The following PIAS4 variants were observed in gnomAD, a reference collection of about 807,000 sequenced individuals.
The protein encoded by PIAS4 is protein inhibitor of activated STAT 4, also known as E3 SUMO-protein ligase PIAS4.
PIAS4 carries 7 observed loss-of-function variants against 58.0 expected under a neutral mutation model. The observed-to-expected ratio is 0.12, with a 90% CI of 0.07 to 0.23. The LOEUF is 0.23. Among genes scored for constraint, PIAS4 ranks in the 10% least tolerant of loss-of-function variants. The probability of loss-of-function intolerance (pLI) is 1.00; values close to 1 mark genes in which losing one functional copy is unlikely to be tolerated. For synonymous variants in PIAS4, 364 were observed against 312.4 expected (o/e 1.17, Z -1.74); for missense variants, 550 against 709.5 (o/e 0.78, Z 2.55).
intron 3 of PIAS4, among the ~76,000 whole-genome samples, chr19:4,027,074 G>A (rs922123936): frequency 1.3e-5 from 2 of 151,522 alleles, no homozygotes; most frequent in African/African-American, 2.4e-5. Context: ...GGAGGGTCTC[G>A]ATCTCCTGAC....
At chr19:4,008,931 A>C (rs919704663) in intron 1 of PIAS4, among the ~76,000 whole-genome samples, 1 of 152,092 alleles carries the variant, frequency 6.6e-6, no homozygotes, top group Non-Finnish European at 1.5e-5. Context: ...CTGCTGCTCT[A>C]TTATACTTTG....
intron 2 of PIAS4, among the ~76,000 whole-genome samples, chr19:4,015,657 C>T (rs1308062804): frequency 6.6e-6 from 1 of 152,182 alleles, no homozygotes; most frequent in African/African-American, 2.4e-5. Context: ...TCCGCCCTGA[C>T]CCTGGGCTGT....
chr19:4,028,460 T>G (rs776744081), intron 4 of PIAS4, 50 bp from the exon 5 acceptor site: 1 of 1,357,634 alleles, frequency 7.4e-7, no homozygotes, highest in Non-Finnish European at 1.0e-6. Flanking sequence ...AGCAGCCTAG[T>G]CCCTCCTGTG....
At chr19:4,035,959 A>C (rs62647666) in intron 9 of PIAS4, among the ~76,000 whole-genome samples, 1 of 7,906 alleles carries the variant, frequency 1.3e-4, no homozygotes, top group Non-Finnish European at 2.3e-4. Context: ...CATAACACAC[A>C]CATACAGTCC....
chr19:4,023,910 A>C (rs2040136080), intron 2 of PIAS4, 126 bp from the exon 3 acceptor site: 2 of 708,986 alleles, frequency 2.8e-6, no homozygotes, highest in Non-Finnish European at 2.6e-6. Context: ...TCTGCCCCAC[A>C]TATCTGTCCA....
At position 4,033,723 on chromosome 19, in the gene PIAS4, G is replaced by C. The variant is rs1439019116; in HGVS notation, c.1142+143G>C. On this transcript the variant is annotated intron_variant, in intron 9 of 10. Coordinates refer to ENST00000262971, the MANE Select transcript of PIAS4 (RefSeq NM_015897.4). ...GGTCCTGGAGCTTTGGAAACCCCGGGCTGCGAAAAGAGCCGGTTTCTTTCT... is the reference window on the plus strand; with the variant it reads ...GGTCCTGGAGCTTTGGAAACCCCGGCCTGCGAAAAGAGCCGGTTTCTTTCT... The C allele has an allele frequency of 1.2e-5, 8 of 692,458 alleles. No individual in the cohort carries two copies. The Admixed American group carries it at 2.4e-4, about 20-fold the overall frequency. The allele number at this position is 692,458 out of a possible 1,614,324, so 42.9% of individuals were successfully genotyped here.
At chr19:4,018,736 G>C (rs2040077641) in intron 2 of PIAS4, 1 of 152,336 alleles carries the variant, frequency 6.6e-6, no homozygotes, top group Admixed American at 6.5e-5. Flanking sequence ...AGGAGGAGAA[G>C]GTTTGGAGAA....
intron 7 of PIAS4, among the ~76,000 whole-genome samples, chr19:4,030,523 G>A (rs1481114393): frequency 1.3e-5 from 2 of 151,962 alleles, no homozygotes; most frequent in Non-Finnish European, 2.9e-5. Flanking sequence ...GGAGGCTGAG[G>A]CAGGAGAATG....
intron 7 of PIAS4, among the ~76,000 whole-genome samples, 199 bp from the exon 8 acceptor site, chr19:4,032,901 G>T (rs942954578): frequency 5.3e-5 from 8 of 152,202 alleles, no homozygotes; most frequent in Non-Finnish European, 1.5e-5. Flanking sequence ...CTGTGCCCAG[G>T]TTGTGGTCAA....
intron 9 of PIAS4, among the ~76,000 whole-genome samples, chr19:4,034,419 G>A (rs1329212444): frequency 6.6e-6 from 1 of 152,218 alleles, no homozygotes; most frequent in African/African-American, 2.4e-5. Context: ...ACAGACCTGT[G>A]AGCGTCCTCA....
At position 4,037,349 on chromosome 19, in the gene PIAS4, G is replaced by C. The variant is rs769094366; in HGVS notation, c.1143-25G>C. 6.3e-7 allele frequency: 1 copy of C among 1,588,094 alleles called. No individual in the cohort carries two copies. The highest frequency in any genetic ancestry group is 1.3e-5 in the African/African-American group (1 of 74,488). ...GGGGGGTGGGGCACCTCCAGCCCCGGCGTCAGCTGTCCGCCTCGCCCCAGG... is the reference window on the plus strand; with the variant it reads ...GGGGGGTGGGGCACCTCCAGCCCCGCCGTCAGCTGTCCGCCTCGCCCCAGG... On this transcript the variant is annotated intron_variant, in intron 9 of 10. Transcript: ENST00000262971. The surrounding 1 kb of genome is among the most constrained non-coding windows in gnomAD (Gnocchi z 5.8).
Position 4,037,758 on chromosome 19 carries a change from C to T in PIAS4, c.1416C>T (p.Ser472=). ...GADVVDLTLD[S]SSSSEDEEEE... ...ATGTGGTGGACCTCACGCTGGACAG[C>T]TCATCGTCCTCGGAGGATGAGGAGG... is the stretch of plus-strand genomic sequence containing the variant. The change falls in exon 11 of 11, where the codon AGC becomes AGT. Residue 472 remains serine (S), a synonymous_variant. Transcript: ENST00000262971. This position sits in a 1 kb window ranked among gnomAD's most constrained non-coding sequence, Gnocchi z 5.8. The T allele has an allele frequency of 6.2e-7, 1 of 1,608,644 alleles. No homozygotes were observed. Among genetic ancestry groups the T allele is most frequent in the South Asian group, 1.1e-5 (1 of 90,526 alleles).
chr19:4,028,909 G>A (rs2040195900), intron 6 of PIAS4, 22 bp from the exon 7 acceptor site: 3 of 1,608,828 alleles, frequency 1.9e-6, no homozygotes, highest in Admixed American at 3.3e-5. Context: ...TGCCAGCCCT[G>A]ACCCCTTCCT....
chr19:4,024,605 G>A (rs2040143946), intron 3 of PIAS4, among the ~76,000 whole-genome samples: 1 of 152,216 alleles, frequency 6.6e-6, no homozygotes, highest in Non-Finnish European at 1.5e-5. Flanking sequence ...CCCTGCTGAG[G>A]TCCCAGAAGG....
chr19:4,021,449 T>C (rs924602958), intron 2 of PIAS4, among the ~76,000 whole-genome samples: 1 of 151,712 alleles, frequency 6.6e-6, no homozygotes, highest in African/African-American at 2.4e-5. Flanking sequence ...CTGGCCTGGG[T>C]GTGTAGAGAG....
chr19:4,037,272 G>A lies in PIAS4; in HGVS notation c.1143-102G>A. The A allele has an allele frequency of 1.4e-6, 2 of 1,419,414 alleles. No homozygotes were observed. The highest frequency in any genetic ancestry group is 1.9e-6 in the Non-Finnish European group (2 of 1,059,130). 87.9% of individuals were successfully genotyped at this position (1,419,414 alleles called of 1,614,324 possible). A position where few individuals can be genotyped will look rare whatever the true frequency, so the allele number is the denominator to read the frequency against. ...GGTGGTGAGGCTGCTCTTGCAGAGAGAAGTGGGGAGTGCCTGGCTGCATCC... is the reference window on the plus strand; with the variant it reads ...GGTGGTGAGGCTGCTCTTGCAGAGAAAAGTGGGGAGTGCCTGGCTGCATCC... On this transcript the variant is annotated intron_variant, in intron 9 of 10. Transcript: ENST00000262971. The surrounding 1 kb of genome is among the most constrained non-coding windows in gnomAD (Gnocchi z 5.8).
chr19:4,036,812 T>TGCACAC (rs1198110519), intron 9 of PIAS4, among the ~76,000 whole-genome samples: 1 of 142,714 alleles, frequency 7.0e-6, no homozygotes, highest in African/African-American at 2.6e-5. Context: ...CACCGTCACA[T>TGCACAC]ATCTGTACAG....
At chr19:4,030,999 C>G (rs1400610445) in intron 7 of PIAS4, among the ~76,000 whole-genome samples, 1 of 152,214 alleles carries the variant, frequency 6.6e-6, no homozygotes, top group Non-Finnish European at 1.5e-5. Context: ...GCTCGCACCC[C>G]CTTCCCGAAT....
intron 9 of PIAS4, 120 bp downstream of exon 9, chr19:4,033,700 T>C (rs1363102036): frequency 2.4e-6 from 2 of 836,820 alleles, no homozygotes; most frequent in African/African-American, 1.7e-5. Flanking sequence ...GGGCACATGG[T>C]CCTGGAGCTT....
Sources: allele counts gnomAD v4.1 joint callset (sites outside exome capture counted in the v4.1 genomes callset), GRCh38; gene constraint gnomAD v4.1.1; non-coding constraint Gnocchi (gnomAD v3.1); transcripts MANE v1.5; gene names NCBI Gene and HGNC (gene_info 2026-07-23, HGNC 2026-07-21).